Variants in CCDC175 observed in about 807,000 individuals in gnomAD.
CCDC175 encodes coiled-coil domain containing 175.
Under a neutral mutation model 114.6 loss-of-function variants are expected in CCDC175, and 100 were observed. That is an observed-to-expected ratio of 0.87 (90% CI 0.74 to 1.03). The LOEUF is 1.03. Among genes scored for constraint, CCDC175 ranks in the 50% least tolerant of loss-of-function variants. The probability of loss-of-function intolerance (pLI) is 0.00; values close to 1 mark genes in which losing one functional copy is unlikely to be tolerated. For synonymous variants in CCDC175, 306 were observed against 308.7 expected (o/e 0.99, Z 0.09); for missense variants, 880 against 917.8 (o/e 0.96, Z 0.53).
At chr14:59,549,726 A>AAAAAAAAAAAG (rs1176474452) in intron 8 of CCDC175, among the ~76,000 whole-genome samples, 1 of 150,674 alleles carries the variant, frequency 6.6e-6, no homozygotes, top group Admixed American at 6.6e-5. Flanking sequence ...TCTCAAAAAA[A>AAAAAAAAAAAG]AAAAGAAAAA....
intron 17 of CCDC175, 111 bp from the exon 18 acceptor site, chr14:59,511,914 T>C: frequency 1.3e-6 from 1 of 775,548 alleles, no homozygotes; most frequent in Non-Finnish European, 2.1e-6. Flanking sequence ...TCTAAAAATG[T>C]CTAGTTCCAA....
At chr14:59,540,186 A>G (rs1043886421) in intron 11 of CCDC175, among the ~76,000 whole-genome samples, 3 of 152,180 alleles carry the variant, frequency 2.0e-5, no homozygotes, top group African/African-American at 7.2e-5. Flanking sequence ...GTATCATCTC[A>G]TTTACATTCA....
In CCDC175 at chr14:59,538,115, G is replaced by A; in HGVS notation, c.1531C>T (p.Gln511Ter). Residue 511 changes from glutamine (Q) to a stop codon, truncating the protein, a stop_gained, in exon 13 of 20, where the codon CAG becomes TAG. Coordinates refer to ENST00000537690, the MANE Select transcript of CCDC175 (RefSeq NM_001164399.2). LOFTEE classifies it high-confidence loss of function. Reference protein sequence around the residue: ...RQQEISGFVAQIEKLTTELKE... With the variant: ...RQQEISGFVA ...AATTCTGTTGTAAGTTTTTCAATCT[G>A]TGCCACAAATCCACTGATCTCCTGT... is the stretch of plus-strand genomic sequence containing the variant. 4 of 1,534,108 alleles carry A rather than the reference G, an allele frequency of 2.6e-6. No individual in the cohort carries two copies. The highest frequency in any genetic ancestry group is 3.5e-6 in the Non-Finnish European group (4 of 1,144,330).
At chr14:59,548,965 A>C (rs1895281817) in intron 8 of CCDC175, among the ~76,000 whole-genome samples, 1 of 152,220 alleles carries the variant, frequency 6.6e-6, no homozygotes, top group Non-Finnish European at 1.5e-5. Flanking sequence ...TCCTACAGCA[A>C]GAAGATAGAT....
intron 7 of CCDC175, 59 bp downstream of exon 7, chr14:59,561,060 T>C (rs1363842537): frequency 2.4e-6 from 2 of 831,424 alleles, no homozygotes; most frequent in Non-Finnish European, 3.8e-6. Flanking sequence ...ATATTAACTA[T>C]ATTATATCAT....
chr14:59,533,987 T>TAAAAAAAAA (rs3084296), intron 13 of CCDC175, among the ~76,000 whole-genome samples: 1 of 133,600 alleles, frequency 7.5e-6, no homozygotes, highest in African/African-American at 2.8e-5. Flanking sequence ...AGACCCCTTT[T>TAAAAAAAAA]AAAAAAAAAA....
chr14:59,553,838 T>C (rs1293104947), intron 7 of CCDC175, among the ~76,000 whole-genome samples: 5 of 152,104 alleles, frequency 3.3e-5, no homozygotes, highest in Non-Finnish European at 7.4e-5. Flanking sequence ...AAACAGACTT[T>C]AAACCAACAA....
intron 5 of CCDC175, 64 bp downstream of exon 5, chr14:59,564,983 T>C: frequency 8.2e-7 from 1 of 1,215,006 alleles, no homozygotes; most frequent in South Asian, 1.5e-5. Flanking sequence ...AATAAATTAT[T>C]TCCCATTTCC....
At chr14:59,508,526 T>TGCAG (rs1029295950) in intron 19 of CCDC175, among the ~76,000 whole-genome samples, 8 of 129,152 alleles carry the variant, frequency 6.2e-5, no homozygotes, top group Admixed American at 3.8e-4. Context: ...AGGCAGAGGT[T>TGCAG]GCAGTCCAAC....
chr14:59,568,484 TG>T, intron 3 of CCDC175, 104 bp from the exon 4 acceptor site: 2 of 917,634 alleles, frequency 2.2e-6, no homozygotes, highest in Non-Finnish European at 3.1e-6. Context: ...CTTTTAATAA[TG>T]TTTTTTATCA....
intron 17 of CCDC175, among the ~76,000 whole-genome samples, chr14:59,512,037 T>G (rs1217761864): frequency 1.3e-5 from 2 of 152,190 alleles, no homozygotes; most frequent in African/African-American, 4.8e-5. Flanking sequence ...AGCCCAGGAC[T>G]GTGACACCTG....
At chr14:59,567,303 CTT>C (rs1401694226) in intron 4 of CCDC175, among the ~76,000 whole-genome samples, 1 of 152,174 alleles carries the variant, frequency 6.6e-6, no homozygotes, top group African/African-American at 2.4e-5. Flanking sequence ...TGAACTTTCT[CTT>C]TTGTGGAGCA....
At chr14:59,516,351 A>C (rs1893085218) in intron 17 of CCDC175, among the ~76,000 whole-genome samples, 1 of 152,158 alleles carries the variant, frequency 6.6e-6, no homozygotes, top group South Asian at 2.1e-4. Flanking sequence ...GACTCAAAAA[A>C]ACCTTCAAAA....
chr14:59,537,680 T>C (rs1233171150), intron 13 of CCDC175, among the ~76,000 whole-genome samples: 1 of 152,146 alleles, frequency 6.6e-6, no homozygotes, highest in Non-Finnish European at 1.5e-5. Context: ...ACCCTCTTTT[T>C]AAAGAGCACA....
At chr14:59,531,174 G>T (rs891205749) in intron 14 of CCDC175, among the ~76,000 whole-genome samples, 10 of 151,994 alleles carry the variant, frequency 6.6e-5, no homozygotes, top group African/African-American at 1.9e-4. Flanking sequence ...TGGGCACAGG[G>T]TTGAATGATT....
Position 59,563,729 on chromosome 14 carries a change from T to A in CCDC175, c.843+8A>T. The A allele has an allele frequency of 7.2e-7, 1 of 1,393,636 alleles. No homozygotes were observed. Among genetic ancestry groups the A allele is most frequent in the Non-Finnish European group, 9.3e-7 (1 of 1,076,026 alleles). The allele number at this position is 1,393,636 out of a possible 1,614,324, so 86.3% of individuals were successfully genotyped here. On this transcript the variant is annotated splice_region_variant and intron_variant, in intron 6 of 19. Transcript: ENST00000537690. ...GCTTAAAAATATATATAGTTTATTC[T>A]TTCTTACCGCTGCGGAAACAGTAAC...
rs1893676814 is a variant in CCDC175 at position 59,525,269 on chromosome 14, C to T, written c.1995+13G>A. 7.0e-7 allele frequency: 1 copy of T among 1,427,302 alleles called. No homozygotes were observed. Among genetic ancestry groups the T allele is most frequent in the South Asian group, 1.5e-5 (1 of 65,472 alleles). The allele number at this position is 1,427,302 out of a possible 1,614,324, so 88.4% of individuals were successfully genotyped here. On this transcript the variant is annotated intron_variant, in intron 16 of 19. Coordinates refer to ENST00000537690, the MANE Select transcript of CCDC175 (RefSeq NM_001164399.2). Reference sequence around the variant, plus strand: ...CAAAGCCATCATGAAAAGGATGGTGCTCTTAAACTTACTTCTTTTAATTTT... The same window carrying T: ...CAAAGCCATCATGAAAAGGATGGTGTTCTTAAACTTACTTCTTTTAATTTT...
At position 59,512,193 on chromosome 14, in the gene CCDC175, T is replaced by C. The variant is rs116484030; in HGVS notation, c.2099-390A>G. On this transcript the variant is annotated intron_variant, in intron 17 of 19. Coordinates refer to ENST00000537690, the MANE Select transcript of CCDC175 (RefSeq NM_001164399.2). ...TGAATCCAGCAATAGACAAGAACAA[T>C]AAAAGCTTTTGAACAAGTGGGCTTT... is the stretch of plus-strand genomic sequence containing the variant. Among the ~76,000 whole-genome samples, 761 of 152,194 alleles carry C rather than the reference T, an allele frequency of 5.0e-3. 3 individuals carry two copies. The highest frequency in any genetic ancestry group is 0.017 in the African/African-American group (719 of 41,518).
At chr14:59,550,157 C>G (rs145347817) in intron 8 of CCDC175, among the ~76,000 whole-genome samples, 183 of 152,256 alleles carry the variant, frequency 1.2e-3, no homozygotes, top group Middle Eastern at 6.8e-3. Flanking sequence ...GATCCACTCA[C>G]CTAGGCCTCC....
Sources: allele counts gnomAD v4.1 joint callset (sites outside exome capture counted in the v4.1 genomes callset), GRCh38; gene constraint gnomAD v4.1.1; transcripts MANE v1.5; gene names NCBI Gene and HGNC (gene_info 2026-07-23, HGNC 2026-07-21).